The following ITSN2 variants were observed in gnomAD, a reference collection of about 807,000 sequenced individuals.
ITSN2 encodes the protein intersectin-2.
A neutral mutation model predicts 243.7 loss-of-function variants in ITSN2; 156 were observed. The ratio of observed to expected loss-of-function variants is 0.64; its 90% CI spans 0.56 to 0.73. The LOEUF (loss-of-function observed/expected upper bound fraction) is 0.73, where lower values mean the gene tolerates loss of function less well. Among genes scored for constraint, ITSN2 ranks in the 30% least tolerant of loss-of-function variants. The pLI is 0.00. For synonymous variants in ITSN2, 703 were observed against 699.9 expected, an observed-to-expected ratio of 1.00 and a Z score of -0.07; for missense variants, 1,801 against 1,996.1, an observed-to-expected ratio of 0.90 and a Z score of 1.86.
intron 1 of ITSN2, among the ~76,000 whole-genome samples, chr2:24,337,011 C>A (rs752142710): frequency 1.6e-4 from 24 of 151,286 alleles, no homozygotes; most frequent in Non-Finnish European, 1.8e-4. Flanking sequence ...TTCCATTAAA[C>A]CCTGCAGAAA....
In ITSN2 at chr2:24,261,497, T is replaced by C. The variant is rs1208873715; in HGVS notation, c.2537+64A>G. ...ATGATGAAGTAGTAGGCTGACACCA[T>C]TATATATTAGGTATTTACACATTTG... On this transcript the variant is annotated intron_variant, in intron 21 of 39. Transcript: ENST00000355123. The C allele has an allele frequency of 7.9e-6, 10 of 1,270,500 alleles. No individual in the cohort carries two copies. The East Asian group carries it at 2.3e-4, about 30-fold the overall frequency. The allele number at this position is 1,270,500 out of a possible 1,614,324, so 78.7% of individuals were successfully genotyped here. A position where few individuals can be genotyped will look rare whatever the true frequency, so the allele number is the denominator to read the frequency against.
chr2:24,232,923 T>A (rs1388315711), intron 29 of ITSN2, among the ~76,000 whole-genome samples: 1 of 152,192 alleles, frequency 6.6e-6, no homozygotes, highest in Non-Finnish European at 1.5e-5. Flanking sequence ...AGGATAAATA[T>A]TCTGAATGCC....
upstream of ITSN2, among the ~76,000 whole-genome samples, chr2:24,361,160 TCACACTC>T (rs1688979215): frequency 6.6e-6 from 1 of 152,148 alleles, no homozygotes; most frequent in Non-Finnish European, 1.5e-5. Flanking sequence ...TCTACGCTAG[TCACACTC>T]CGCCGAGCAG....
intron 1 of ITSN2, among the ~76,000 whole-genome samples, chr2:24,332,786 A>G (rs1422703432): frequency 3.9e-5 from 6 of 152,258 alleles, no homozygotes; most frequent in Non-Finnish European, 7.3e-5. Flanking sequence ...TGAAAATGCA[A>G]CAGATACCAA....
rs138733436 is a variant in ITSN2, at chr2:24,216,191, G to A, written c.3848C>T (p.Pro1283Leu). The part of the protein sequence containing the change: ...VRKKTGGEKM[P>L]VQMIGDILAA... ...CAGGATGTCCCCAATCATCTGCACC[G>A]GCATCTTCTCGCCCCCGGTCTTCTT... Residue 1283 changes from proline (P) to leucine (L), a missense_variant, in exon 32 of 40, where the codon CCG becomes CTG. Transcript: ENST00000355123. 68 of 1,609,084 alleles carry A rather than the reference G, an allele frequency of 4.2e-5. No individual in the cohort carries two copies. In the African/African-American group the frequency reaches 8.2e-4, roughly 19 times the overall value.
At chr2:24,293,495 T>G in intron 15 of ITSN2, 193 bp downstream of exon 15, 1 of 355,708 alleles carries the variant, frequency 2.8e-6, no homozygotes, top group Non-Finnish European at 5.1e-6. Context: ...CTATTTTATT[T>G]TTATCTACTT....
At chr2:24,324,244 T>C (rs1000845466) in intron 2 of ITSN2, among the ~76,000 whole-genome samples, 3 of 151,800 alleles carry the variant, frequency 2.0e-5, no homozygotes, top group Non-Finnish European at 2.9e-5. Context: ...AAAAATTAAA[T>C]TAAATTAAAT....
At chr2:24,269,109 C>T (rs1677039342) in intron 20 of ITSN2, among the ~76,000 whole-genome samples, 1 of 150,544 alleles carries the variant, frequency 6.6e-6, no homozygotes, top group Admixed American at 6.6e-5. Flanking sequence ...TCCACTTCCT[C>T]TAATAATTCC....
intron 29 of ITSN2, chr2:24,241,692 C>T (rs1193992874): frequency 6.6e-6 from 1 of 152,546 alleles, no homozygotes; most frequent in Non-Finnish European, 1.5e-5. Context: ...TGAGGGCAAA[C>T]CACATATTGA....
chr2:24,204,261 G>C lies in ITSN2; in HGVS notation c.4920C>G (p.Asp1640Glu). The change falls in exon 39 of 40, where the codon GAC becomes GAG. Residue 1640 changes from aspartate to glutamate, a missense_variant. This residue lies in a region of ITSN2 where 928 missense variants were observed against 1,065.4 expected (regional missense o/e 0.87). Coordinates refer to ENST00000355123, the MANE Select transcript of ITSN2 (RefSeq NM_006277.3). This position sits in a 1 kb window ranked among gnomAD's most constrained non-coding sequence, Gnocchi z 5.1. The stretch of plus-strand genomic sequence containing the variant: ...GACACTTACCATCTGGTGAAAACTG[G>C]TCTCTGTCAAACAGGGTGAGACACA... ...DVLCLTLFDR[D>E]QFSPDDFLGR... 4 of 1,614,050 alleles carry C rather than the reference G, an allele frequency of 2.5e-6. No individual in the cohort carries two copies. Among genetic ancestry groups the C allele is most frequent in the Non-Finnish European group, 3.4e-6 (4 of 1,180,004 alleles).
rs183863711 is a variant in ITSN2, at chr2:24,287,837, G to A, written c.1724-1486C>T. Among the ~76,000 whole-genome samples, 149 of 151,886 alleles carry A rather than the reference G, an allele frequency of 9.8e-4. 1 individual carries two copies. Among genetic ancestry groups the A allele is most frequent in the Non-Finnish European group, 1.4e-3 (97 of 67,902 alleles). ...TTTAAATATCTCTTTACCATTTTTAGGTCTTCTTTGGAGAAATGTCCACTC... is the reference window on the plus strand; with the variant it reads ...TTTAAATATCTCTTTACCATTTTTAAGTCTTCTTTGGAGAAATGTCCACTC... On this transcript the variant is annotated intron_variant, in intron 15 of 39. Transcript: ENST00000355123.
chr2:24,243,911 A>C (rs1673036390), intron 29 of ITSN2, among the ~76,000 whole-genome samples: 1 of 152,224 alleles, frequency 6.6e-6, no homozygotes. Context: ...CCACACTCCA[A>C]ATAATCAAAA....
chr2:24,258,831 A>G (rs1675406291), intron 22 of ITSN2, among the ~76,000 whole-genome samples: 1 of 152,192 alleles, frequency 6.6e-6, no homozygotes, highest in Admixed American at 6.5e-5. Flanking sequence ...AATAACATCA[A>G]AGCCAAATGC....
intron 11 of ITSN2, 71 bp from the exon 12 acceptor site, chr2:24,300,242 T>A: frequency 7.0e-7 from 1 of 1,430,070 alleles, no homozygotes; most frequent in Non-Finnish European, 9.6e-7. Context: ...AGTTTCTATA[T>A]ACTTATGCCT....
At chr2:24,303,658 C>G in intron 9 of ITSN2, 141 bp downstream of exon 9, 1 of 639,394 alleles carries the variant, frequency 1.6e-6, no homozygotes, top group Non-Finnish European at 2.8e-6. Flanking sequence ...TTAATACTAA[C>G]TTTCAAATGG....
rs1668735408 is a variant in ITSN2, at chr2:24,205,149, A to AAAG, written c.4762+62_4762+64dup. On this transcript the variant is annotated intron_variant, in intron 38 of 39. Transcript: ENST00000355123. ...GTTATACACTGAGACTCTGTCTCAA[A>AAAG]AAGTCATCAGCAAAAACTGGGGCAG... is the stretch of plus-strand genomic sequence containing the variant. 8.6e-6 allele frequency: 12 copies of AAAG among 1,393,480 alleles called. No individual in the cohort carries two copies. In the Admixed American group the frequency reaches 2.0e-4, roughly 24 times the overall value. 86.3% of individuals were successfully genotyped at this position (1,393,480 alleles called of 1,614,324 possible).
chr2:24,221,801 C>T (rs911459335), intron 29 of ITSN2, among the ~76,000 whole-genome samples: 1 of 152,220 alleles, frequency 6.6e-6, no homozygotes, highest in Non-Finnish European at 1.5e-5. Flanking sequence ...AGAGGTACTG[C>T]ATTCACTATG....
In ITSN2 at chr2:24,302,090, G is replaced by A. The variant is rs554497061; in HGVS notation, c.870C>T (p.Asp290=). 4.4e-6 allele frequency: 7 copies of A among 1,603,506 alleles called. No individual in the cohort carries two copies. Among genetic ancestry groups the A allele is most frequent in the South Asian group, 3.3e-5 (3 of 89,702 alleles). ...TQLATIWTLA[D]VDGDGQLKAE... ...CTTTTAGCTGTCCATCACCATCAAC[G>A]TCAGCCAGAGTCCTAAAGAAAATGT... Residue 290 remains aspartate, a synonymous_variant, in exon 10 of 40, where the codon GAC becomes GAT. Coordinates refer to ENST00000355123, the MANE Select transcript of ITSN2 (RefSeq NM_006277.3).
At chr2:24,292,959 TAG>T (rs1030333255) in intron 15 of ITSN2, among the ~76,000 whole-genome samples, 10 of 152,224 alleles carry the variant, frequency 6.6e-5, no homozygotes, top group Non-Finnish European at 1.2e-4. Flanking sequence ...ATTGACTTGA[TAG>T]AGACTCAATG....
Sources: gnomAD v4.1 joint callset for allele counts (sites outside exome capture counted in the v4.1 genomes callset) on GRCh38, gnomAD v4.1.1 for gene constraint, gnomAD v4.1.1 regional missense constraint, Gnocchi (gnomAD v3.1) non-coding constraint, MANE v1.5 for transcripts, NCBI Gene and HGNC (gene_info 2026-07-23, HGNC 2026-07-21) for gene names.